Variants in KSR1 observed in about 807,000 individuals in gnomAD.
KSR1 encodes kinase suppressor of ras 1, also known as kinase suppressor of ras.
KSR1 carries 35 observed loss-of-function variants against 92.9 expected under a neutral mutation model. The observed-to-expected ratio is 0.38, with a 90% CI of 0.29 to 0.50. KSR1 has a LOEUF of 0.50. Among genes scored for constraint, KSR1 ranks in the 20% least tolerant of loss-of-function variants. The pLI, the probability that KSR1 is intolerant of heterozygous loss-of-function variation, is 0.94. For missense variants in KSR1, 972 were observed against 1,158.5 expected, an observed-to-expected ratio of 0.84 and a Z score of 2.34; for synonymous variants, 467 against 472.6, an observed-to-expected ratio of 0.99 and a Z score of 0.15.
At chr17:27,475,512 G>A (rs1056882112) in intron 1 of KSR1, among the ~76,000 whole-genome samples, 10 of 152,178 alleles carry the variant, frequency 6.6e-5, no homozygotes, top group African/African-American at 9.7e-5. Context: ...CACTGAGGGC[G>A]TCAGGTGGGT....
chr17:27,528,981 A>C (rs1567796048), intron 1 of KSR1, among the ~76,000 whole-genome samples: 1 of 151,956 alleles, frequency 6.6e-6, no homozygotes, highest in Non-Finnish European at 1.5e-5. Flanking sequence ...GGATAAAAAA[A>C]CTCCATTTAT....
intron 19 of KSR1, among the ~76,000 whole-genome samples, chr17:27,619,525 G>A (rs941912524): frequency 4.6e-5 from 7 of 151,140 alleles, no homozygotes; most frequent in Admixed American, 4.0e-4. Context: ...AGCCTTCTGA[G>A]TAGCTGGGAC....
chr17:27,582,573 C>A, intron 3 of KSR1, 73 bp from the exon 4 acceptor site: 1 of 1,376,692 alleles, frequency 7.3e-7, no homozygotes, highest in Non-Finnish European at 1.0e-6. Context: ...TTGAACATCT[C>A]TGGCCCCTAG....
At chr17:27,585,797 T>A (rs556118115) in intron 5 of KSR1, 136 bp downstream of exon 5, 24 of 708,898 alleles carry the variant, frequency 3.4e-5, no homozygotes, top group African/African-American at 7.0e-5. Flanking sequence ...GAGGTGCTGG[T>A]GACCACCTCA....
At chr17:27,598,267 GTT>G (rs1241937383) in intron 10 of KSR1, among the ~76,000 whole-genome samples, 2 of 152,192 alleles carry the variant, frequency 1.3e-5, no homozygotes, top group African/African-American at 4.8e-5. Flanking sequence ...TGACACTCCT[GTT>G]TGCTCTGGAC....
rs763315320 is a variant in KSR1, at chr17:27,550,688, G to C, written c.352G>C (p.Val118Leu). 3.9e-6 allele frequency: 3 copies of C among 763,568 alleles called. No individual in the cohort carries two copies. The highest frequency in any genetic ancestry group is 7.2e-6 in the Non-Finnish European group (3 of 417,804). The allele number at this position is 763,568 out of a possible 1,614,324, so 47.3% of individuals were successfully genotyped here. The change falls in exon 2 of 21, where the codon GTG becomes CTG. Residue 118 changes from valine (V) to leucine (L), a missense_variant. Transcript: ENST00000644974. ...CAGCGACTGGCTGTACACTTTCAACGTGAGGCCGGAGGTGGTGCAGGTATG... is the reference window on the plus strand; with the variant it reads ...CAGCGACTGGCTGTACACTTTCAACCTGAGGCCGGAGGTGGTGCAGGTATG... The part of the protein sequence containing the change: ...RFSDWLYTFN[V>L]RPEVVQEIPR...
In KSR1 at chr17:27,577,580, G is replaced by A; in HGVS notation, c.461G>A (p.Gly154Glu). 3.7e-6 allele frequency: 6 copies of A among 1,604,214 alleles called. No individual in the cohort carries two copies. Among genetic ancestry groups the A allele is most frequent in the Non-Finnish European group, 5.1e-6 (6 of 1,178,482 alleles). The change falls in exon 3 of 21, where the codon GGG (glycine) becomes GAG (glutamate). Residue 154 changes from glycine to glutamate, a missense_variant. Coordinates refer to ENST00000644974, the MANE Select transcript of KSR1 (RefSeq NM_001394583.1). The surrounding 1 kb of genome is among the most constrained non-coding windows in gnomAD (Gnocchi z 4.5). Reference sequence around the variant, plus strand: ...ACGCTGCGGCGCTGTGGGGCCAGCGGGGATGAGTGTGGCCGTCTGCAGTAT... The same window carrying A: ...ACGCTGCGGCGCTGTGGGGCCAGCGAGGATGAGTGTGGCCGTCTGCAGTAT... ...KETLRRCGASGDECGRLQYAL... is the reference protein window; with the variant it reads ...KETLRRCGASEDECGRLQYAL...
At chr17:27,476,135 G>A (rs961262572) in intron 1 of KSR1, among the ~76,000 whole-genome samples, 6 of 152,200 alleles carry the variant, frequency 3.9e-5, no homozygotes, top group Admixed American at 6.5e-5. Flanking sequence ...GCAGTGGACT[G>A]GACTGCACGG....
intron 1 of KSR1, among the ~76,000 whole-genome samples, chr17:27,479,197 C>T (rs1035025190): frequency 2.7e-5 from 4 of 150,734 alleles, no homozygotes; most frequent in Non-Finnish European, 5.9e-5. Context: ...CCTCTATGCT[C>T]CTCCCTCCAT....
chr17:27,580,499 T>G (rs1323291116), intron 3 of KSR1, among the ~76,000 whole-genome samples: 2 of 152,160 alleles, frequency 1.3e-5, no homozygotes, highest in Admixed American at 6.5e-5. Context: ...TGATGGAGCT[T>G]GTTACCTCCC....
intron 2 of KSR1, among the ~76,000 whole-genome samples, chr17:27,573,030 C>A (rs2072372388): frequency 6.6e-6 from 1 of 152,300 alleles, no homozygotes; most frequent in East Asian, 1.9e-4. Flanking sequence ...GGAGTACTTG[C>A]TACTGGGCCT....
chr17:27,495,548 C>T (rs754025545), intron 1 of KSR1, among the ~76,000 whole-genome samples: 5 of 152,116 alleles, frequency 3.3e-5, no homozygotes, highest in Non-Finnish European at 5.9e-5. Context: ...TGGAGTTGGG[C>T]GACAGGAGGG....
In KSR1 at chr17:27,564,836, T is replaced by C. The variant is rs183367324; in HGVS notation, c.373-12656T>C. 2.6e-4 allele frequency among the ~76,000 whole-genome samples: 39 copies of C among 150,280 alleles called. No homozygotes were observed. In the East Asian group the frequency reaches 7.8e-3, roughly 30 times the overall value. On this transcript the variant is annotated intron_variant, in intron 2 of 20. Transcript: ENST00000644974. ...AGAAGGCAGAGACGTGTAGAAACTT[T>C]TCCTCCCTCAGAGATGATTTGTCAG...
Position 27,610,087 on chromosome 17 carries a change from T to C in KSR1, c.2246T>C (p.Leu749Pro). Residue 749 changes from leucine to proline, a missense_variant, in exon 17 of 21, where the codon CTG (leucine) becomes CCG (proline). Around this residue, in one of 5 missense-constraint regions of KSR1, gnomAD observed 260 missense variants for 375.2 expected, o/e 0.69. Transcript: ENST00000644974. ...REGRRENQLK[L>P]SHDWLCYLAP... ...TCCAGGCGTGAGAACCAGCTAAAGCTGTCCCACGACTGGCTGTGCTATCTG... is the reference window on the plus strand; with the variant it reads ...TCCAGGCGTGAGAACCAGCTAAAGCCGTCCCACGACTGGCTGTGCTATCTG... 6.2e-7 allele frequency: 1 copy of C among 1,614,010 alleles called. No homozygotes were observed. Among genetic ancestry groups the C allele is most frequent in the Non-Finnish European group, 8.5e-7 (1 of 1,179,854 alleles).
chr17:27,457,909 T>TC (rs2019257214), intron 1 of KSR1, among the ~76,000 whole-genome samples: 1 of 66,746 alleles, frequency 1.5e-5, no homozygotes, highest in Non-Finnish European at 2.9e-5. Flanking sequence ...CCCCAAACCC[T>TC]CCCCCCGCCC....
rs576347349 is a variant in KSR1 at position 27,543,449 on chromosome 17, T to C, written c.232-7119T>C. Among the ~76,000 whole-genome samples, 408 of 152,308 alleles carry C rather than the reference T, an allele frequency of 2.7e-3. 2 individuals carry two copies. Among genetic ancestry groups the C allele is most frequent in the Non-Finnish European group, 4.5e-3 (306 of 68,006 alleles). On this transcript the variant is annotated intron_variant, in intron 1 of 20. Coordinates refer to ENST00000644974, the MANE Select transcript of KSR1 (RefSeq NM_001394583.1). ...GGGTAGGGGTGTGAGGCCTCCATGT[T>C]CCTGGGGATCCCTGCAGTTCTGGGG...
At position 27,583,039 on chromosome 17, in the gene KSR1, C is replaced by A. The variant is rs1262009021; in HGVS notation, c.914C>A (p.Thr305Lys). The A allele has an allele frequency of 6.2e-7, 1 of 1,608,664 alleles. No homozygotes were observed. The highest frequency in any genetic ancestry group is 8.5e-7 in the Non-Finnish European group (1 of 1,177,814). Residue 305 changes from threonine to lysine, a missense_variant, in exon 4 of 21, where the codon ACA becomes AAA. Thr to Lys is a moderately conservative substitution (Grantham distance 78, BLOSUM62 -1). Coordinates refer to ENST00000644974, the MANE Select transcript of KSR1 (RefSeq NM_001394583.1). ...TTCCAGCTGCTGCCCAGCTTCCCCACACTCACCCGGAGCAAGTCCCATGAG... is the reference window on the plus strand; with the variant it reads ...TTCCAGCTGCTGCCCAGCTTCCCCAAACTCACCCGGAGCAAGTCCCATGAG... Reference protein sequence around the residue: ...KVFQLLPSFPTLTRSKSHESQ... With the variant: ...KVFQLLPSFPKLTRSKSHESQ...
rs753755497 is a variant in KSR1, at chr17:27,625,296, C to G, written c.*1904C>G. 7 of 152,294 alleles carry G rather than the reference C, an allele frequency of 4.6e-5. No homozygotes were observed. Among genetic ancestry groups the G allele is most frequent in the Non-Finnish European group, 1.0e-4 (7 of 68,070 alleles). The allele number at this position is 152,294 out of a possible 1,614,324, so 9.4% of individuals were successfully genotyped here. On this transcript the variant is annotated 3_prime_UTR_variant, in exon 21 of 21. Transcript: ENST00000644974. ...AGTAGGCTCAGTTCCTCCCTGACCC[C>G]TGACACCAGGCCGCAGTGGGCATGC...
At chr17:27,487,014 G>T (rs2068685614) in intron 1 of KSR1, among the ~76,000 whole-genome samples, 1 of 152,174 alleles carries the variant, frequency 6.6e-6, no homozygotes, top group South Asian at 2.1e-4. Flanking sequence ...TTTTAGATAG[G>T]AATGTGGTAA....
Sources: allele counts gnomAD v4.1 joint callset (sites outside exome capture counted in the v4.1 genomes callset), GRCh38; gene constraint gnomAD v4.1.1; regional missense constraint gnomAD v4.1.1; non-coding constraint Gnocchi (gnomAD v3.1); transcripts MANE v1.5; gene names NCBI Gene and HGNC (gene_info 2026-07-23, HGNC 2026-07-21).